The following APOL2 variants were observed in gnomAD, a reference collection of about 807,000 sequenced individuals.
APOL2 encodes the protein apolipoprotein L, 2.
A neutral mutation model predicts 7.1 loss-of-function variants in APOL2; 8 were observed. That is an observed-to-expected ratio of 1.12 (90% CI 0.66 to 2.03). The LOEUF (loss-of-function observed/expected upper bound fraction) is 2.03, where lower values mean the gene tolerates loss of function less well. Among genes scored for constraint, APOL2 ranks in the 30% most tolerant of loss-of-function variants. The pLI, the probability that APOL2 is intolerant of heterozygous loss-of-function variation, is 0.00. For missense variants in APOL2, 471 were observed against 415.1 expected (o/e 1.13, Z -1.17); for synonymous variants, 177 against 159.9 (o/e 1.11, Z -0.81).
At chr22:36,234,903 C>T (rs1001293) in intron 1 of APOL2, among the ~76,000 whole-genome samples, 21,317 of 152,184 alleles carry the variant, frequency 0.14, 2,409 homozygotes, top group African/African-American at 0.32. Flanking sequence ...TGGGTTCCCA[C>T]CCAGACAGAC....
intron 3 of APOL2, among the ~76,000 whole-genome samples, chr22:36,232,886 G>T (rs2015273268): frequency 6.6e-6 from 1 of 151,380 alleles, no homozygotes; most frequent in Non-Finnish European, 1.5e-5. Context: ...CCTCATGGCT[G>T]TCCTGCCCCA....
intron 4 of APOL2, among the ~76,000 whole-genome samples, chr22:36,228,649 A>C (rs9607324): frequency 0.4 from 60,909 of 151,852 alleles, 12,898 homozygotes; most frequent in Middle Eastern, 0.48. Context: ...AGACCTTATT[A>C]CCAGGATGGC....
chr22:36,239,525 A>G lies in APOL2; in HGVS notation c.-218T>C, dbSNP rs564228890. 7 of 1,585,610 alleles carry G rather than the reference A, an allele frequency of 4.4e-6. No homozygotes were observed. Among genetic ancestry groups the G allele is most frequent in the Non-Finnish European group, 5.1e-6 (6 of 1,172,584 alleles). On this transcript the variant is annotated 5_prime_UTR_variant, in exon 1 of 5. Transcript: ENST00000358502. ...CCCACGTCCAGCTGTGCATCTGTGT[A>G]ATAACCAGACACGTCCTCCGGCCTC... is the stretch of plus-strand genomic sequence containing the variant.
Position 36,233,448 on chromosome 22 carries a change from C to T in APOL2, c.-126G>A. ...CTCACTCTCACACCAAGGCAGGGTC[C>T]TCTTGTCCTGTAGGGGTATGAGAAG... On this transcript the variant is annotated 5_prime_UTR_variant, in exon 2 of 5. Coordinates refer to ENST00000358502, the MANE Select transcript of APOL2 (RefSeq NM_030882.4). The T allele has an allele frequency of 6.5e-7, 1 of 1,550,338 alleles. No individual in the cohort carries two copies. The highest frequency in any genetic ancestry group is 8.7e-7 in the Non-Finnish European group (1 of 1,147,324).
intron 1 of APOL2, among the ~76,000 whole-genome samples, chr22:36,235,980 T>G (rs564985628): frequency 2.6e-5 from 4 of 151,566 alleles, no homozygotes; most frequent in African/African-American, 9.7e-5. Context: ...AGGGACTCAA[T>G]AGAATACCTC....
Position 36,227,389 on chromosome 22 carries a change from T to C in APOL2, c.*15A>G. 6.3e-7 allele frequency: 1 copy of C among 1,583,116 alleles called. No individual in the cohort carries two copies. Among genetic ancestry groups the C allele is most frequent in the Non-Finnish European group, 8.6e-7 (1 of 1,165,520 alleles). ...TGCCCGGCATTTCTGCCCTGGTGGC[T>C]GCACTGCTCTGGGGTCATTGGTCTT... On this transcript the variant is annotated 3_prime_UTR_variant, in exon 5 of 5. Transcript: ENST00000358502.
intron 3 of APOL2, 29 bp from the exon 4 acceptor site, chr22:36,231,495 G>A: frequency 6.2e-7 from 1 of 1,609,914 alleles, no homozygotes; most frequent in Non-Finnish European, 8.5e-7. Context: ...GGATAAGGTT[G>A]GAGGATAGTG....
chr22:36,239,647 C>G, upstream of APOL2: 1 of 725,952 alleles, frequency 1.4e-6, no homozygotes, highest in Non-Finnish European at 2.4e-6. Flanking sequence ...CCAGCACCAC[C>G]TGCAGTCCAG....
Position 36,233,507 on chromosome 22 carries a change from T to C in APOL2, c.-133-52A>G, listed in dbSNP as rs1291883805. The C allele has an allele frequency of 2.0e-6, 3 of 1,468,826 alleles. No homozygotes were observed. In the East Asian group the frequency reaches 7.4e-5, roughly 36 times the overall value. 91.0% of individuals were successfully genotyped at this position (1,468,826 alleles called of 1,614,324 possible). On this transcript the variant is annotated intron_variant, in intron 1 of 4. Coordinates refer to ENST00000358502, the MANE Select transcript of APOL2 (RefSeq NM_030882.4). ...CAGAGGAGGGGCAGCCATCTGATCATTACAGAAACTACAGAGTCTATACAC... is the reference window on the plus strand; with the variant it reads ...CAGAGGAGGGGCAGCCATCTGATCACTACAGAAACTACAGAGTCTATACAC...
intron 4 of APOL2, among the ~76,000 whole-genome samples, chr22:36,230,742 A>G (rs2015192957): frequency 6.6e-6 from 1 of 151,820 alleles, no homozygotes; most frequent in South Asian, 2.1e-4. Flanking sequence ...ATAAGCCCAG[A>G]GCCCAGGAAC....
chr22:36,233,517 TAC>T (rs1438324602), intron 1 of APOL2, 62 bp from the exon 2 acceptor site: 1 of 1,423,898 alleles, frequency 7.0e-7, no homozygotes, highest in Non-Finnish European at 9.7e-7. Context: ...TTACAGAAAC[TAC>T]AGAGTCTATA....
intron 3 of APOL2, 66 bp from the exon 4 acceptor site, chr22:36,231,532 T>A: frequency 1.3e-6 from 2 of 1,564,556 alleles, no homozygotes; most frequent in African/African-American, 1.4e-5. Flanking sequence ...CCATTGCACA[T>A]TAGGTGGTTA....
intron 3 of APOL2, 58 bp downstream of exon 3, chr22:36,233,095 G>A (rs1478882699): frequency 1.9e-5 from 29 of 1,516,036 alleles, no homozygotes; most frequent in Middle Eastern, 3.6e-4. Flanking sequence ...CTGTGGAGGT[G>A]CCACCCTCCA....
intron 4 of APOL2, among the ~76,000 whole-genome samples, chr22:36,230,101 A>G (rs558370607): frequency 6.6e-6 from 1 of 152,354 alleles, no homozygotes; most frequent in Admixed American, 6.5e-5. Flanking sequence ...CACTTTCAGA[A>G]CCATCTATAT....
intron 1 of APOL2, chr22:36,236,619 G>C (rs2015412460): frequency 1.0e-6 from 1 of 985,226 alleles, no homozygotes; most frequent in Non-Finnish European, 1.2e-6. Flanking sequence ...GCACTCCCCG[G>C]CACACCCACT....
chr22:36,236,770 A>G, intron 1 of APOL2: 7 of 1,067,050 alleles, frequency 6.6e-6, no homozygotes, highest in Non-Finnish European at 6.8e-6. Flanking sequence ...TTCAGGGTCG[A>G]GGCATCCAGA....
chr22:36,233,204 C>T lies in APOL2; in HGVS notation c.-42G>A. The T allele has an allele frequency of 1.9e-6, 3 of 1,614,108 alleles. No individual in the cohort carries two copies. The highest frequency in any genetic ancestry group is 2.5e-6 in the Non-Finnish European group (3 of 1,180,010). On this transcript the variant is annotated 5_prime_UTR_variant, in exon 3 of 5. Coordinates refer to ENST00000358502, the MANE Select transcript of APOL2 (RefSeq NM_030882.4). ...TTACCGAGGGGCTTTCCTTGGAGCT[C>T]TCCAGTCACTGTCCAGACTGGAAGG... is the stretch of plus-strand genomic sequence containing the variant.
intron 1 of APOL2, among the ~76,000 whole-genome samples, chr22:36,235,275 C>T (rs2015358465): frequency 6.6e-6 from 1 of 152,206 alleles, no homozygotes; most frequent in Admixed American, 6.5e-5. Context: ...AGTGGGTTCC[C>T]ATTCAATCAC....
At chr22:36,238,187 T>A (rs1033181244) in intron 1 of APOL2, among the ~76,000 whole-genome samples, 1 of 152,182 alleles carries the variant, frequency 6.6e-6, no homozygotes, top group African/African-American at 2.4e-5. Flanking sequence ...CCCTCCGCCC[T>A]CCCTGGCACA....
Sources: allele counts gnomAD v4.1 joint callset (sites outside exome capture counted in the v4.1 genomes callset), GRCh38; gene constraint gnomAD v4.1.1; transcripts MANE v1.5; gene names NCBI Gene and HGNC (gene_info 2026-07-23, HGNC 2026-07-21).